The following CRISP1 variants were observed in gnomAD, a reference collection of about 807,000 sequenced individuals.
CRISP1 encodes the protein cysteine rich secretory protein 1.
In CRISP1, 44 loss-of-function variants were observed where a neutral mutation model predicts 33.1. The ratio of observed to expected loss-of-function variants is 1.33; its 90% CI spans 1.05 to 1.71. The LOEUF (loss-of-function observed/expected upper bound fraction) is 1.71. CRISP1 is among the 40% of genes most tolerant of loss of function. The pLI is 0.00. For missense variants in CRISP1, 390 were observed against 301.2 expected, an observed-to-expected ratio of 1.29 and a Z score of -2.18; for synonymous variants, 103 against 98.7, an observed-to-expected ratio of 1.04 and a Z score of -0.26.
chr6:49,848,156 TA>T, intron 4 of CRISP1, 52 bp downstream of exon 4: 1 of 1,008,314 alleles, frequency 9.9e-7, no homozygotes, highest in South Asian at 1.5e-5. Flanking sequence ...ATCCCTGTTT[TA>T]CTATTTTTTT....
At chr6:49,839,295 A>C (rs1770908019) in intron 6 of CRISP1, among the ~76,000 whole-genome samples, 1 of 149,968 alleles carries the variant, frequency 6.7e-6, no homozygotes, top group African/African-American at 2.5e-5. Context: ...AAAAAAAAAA[A>C]AAAAAATTAG....
Position 49,857,541 on chromosome 6 carries a change from G to GTGTT in CRISP1, c.-2-143_-2-140dup, listed in dbSNP as rs1233843827. ...CTTTAGGATCCGAACAAGGTTTAAT[G>GTGTT]TGTTAGTCATTGGGATCCAGATAGA... is the stretch of plus-strand genomic sequence containing the variant. On this transcript the variant is annotated intron_variant, in intron 1 of 7. Coordinates refer to ENST00000335847, the MANE Select transcript of CRISP1 (RefSeq NM_001131.3). 55 of 680,528 alleles carry GTGTT rather than the reference G, an allele frequency of 8.1e-5. 1 individual carries two copies. Among genetic ancestry groups the GTGTT allele is most frequent in the African/African-American group, 7.1e-4 (39 of 55,228 alleles). 42.2% of individuals were successfully genotyped at this position (680,528 alleles called of 1,614,324 possible).
chr6:49,867,375 G>A (rs1167700731), upstream of CRISP1, among the ~76,000 whole-genome samples: 1 of 151,858 alleles, frequency 6.6e-6, no homozygotes, highest in African/African-American at 2.4e-5. Flanking sequence ...ATAGCTTGCT[G>A]GCCTCTTTTT....
intron 1 of CRISP1, among the ~76,000 whole-genome samples, chr6:49,873,500 T>G (rs1209768263): frequency 6.6e-6 from 1 of 152,116 alleles, no homozygotes; most frequent in Non-Finnish European, 1.5e-5. Flanking sequence ...TGTGTCCTCA[T>G]GTTAGGCTAT....
intron 5 of CRISP1, among the ~76,000 whole-genome samples, chr6:49,842,228 G>T (rs1175497266): frequency 6.6e-6 from 1 of 152,144 alleles, no homozygotes; most frequent in East Asian, 1.9e-4. Context: ...TTTGTTTGCA[G>T]GTTCTTACTA....
intron 2 of CRISP1, among the ~76,000 whole-genome samples, chr6:49,854,708 C>T (rs951105181): frequency 3.9e-5 from 6 of 152,154 alleles, no homozygotes; most frequent in Non-Finnish European, 7.3e-5. Context: ...ATTTACCTCC[C>T]TCCATTTTTT....
chr6:49,856,547 C>A (rs1362303699), intron 2 of CRISP1, among the ~76,000 whole-genome samples: 5 of 152,102 alleles, frequency 3.3e-5, no homozygotes, highest in African/African-American at 7.2e-5. Flanking sequence ...AATACCAAAC[C>A]AACACCCTAA....
intron 6 of CRISP1, 33 bp downstream of exon 6, chr6:49,840,865 G>A (rs1349748882): frequency 6.6e-7 from 1 of 1,514,292 alleles, no homozygotes; most frequent in Non-Finnish European, 9.1e-7. Flanking sequence ...TTACTTTAGG[G>A]GGATATATAT....
intron 2 of CRISP1, among the ~76,000 whole-genome samples, chr6:49,853,893 CACAAA>C (rs1771422113): frequency 6.6e-6 from 1 of 152,140 alleles, no homozygotes; most frequent in African/African-American, 2.4e-5. Flanking sequence ...AAAAATGTCT[CACAAA>C]ACAAAACAAC....
chr6:49,841,039 C>A, intron 5 of CRISP1, 44 bp from the exon 6 acceptor site: 1 of 1,463,388 alleles, frequency 6.8e-7, no homozygotes, highest in East Asian at 2.4e-5. Flanking sequence ...AAATATTTTA[C>A]TAAATGACTA....
At chr6:49,847,290 G>C (rs866397181) in intron 4 of CRISP1, among the ~76,000 whole-genome samples, 1 of 152,148 alleles carries the variant, frequency 6.6e-6, no homozygotes, top group Non-Finnish European at 1.5e-5. Flanking sequence ...GATATAGTTT[G>C]GATGTCCCCT....
Position 49,857,324 on chromosome 6 carries a change from C to T in CRISP1, c.66+11G>A. 1 of 1,611,258 alleles carries T rather than the reference C, an allele frequency of 6.2e-7. No individual in the cohort carries two copies. The highest frequency in any genetic ancestry group is 8.5e-7 in the Non-Finnish European group (1 of 1,178,010). On this transcript the variant is annotated intron_variant, in intron 2 of 7. Coordinates refer to ENST00000335847, the MANE Select transcript of CRISP1 (RefSeq NM_001131.3). ...TAGAAAGTAATTATGAAACATCCAACCCTCACATACTTTCATGGACAACAT... is the reference window on the plus strand; with the variant it reads ...TAGAAAGTAATTATGAAACATCCAATCCTCACATACTTTCATGGACAACAT...
chr6:49,863,163 G>A (rs1771700437), intron 1 of CRISP1, among the ~76,000 whole-genome samples: 1 of 152,120 alleles, frequency 6.6e-6, no homozygotes, highest in African/African-American at 2.4e-5. Flanking sequence ...GAATTGTAGA[G>A]CATGGCTCAG....
rs796130983 is a variant in CRISP1 at position 49,846,760 on chromosome 6, A to T, written c.287-92T>A. On this transcript the variant is annotated intron_variant, in intron 4 of 7. Transcript: ENST00000335847. The stretch of plus-strand genomic sequence containing the variant: ...CTCATTTTTATTTTATGAATGGTTC[A>T]CTGATCATCTTGACAACATCTTCTG... 10 of 1,224,826 alleles carry T rather than the reference A, an allele frequency of 8.2e-6. No individual in the cohort carries two copies. The African/African-American group carries it at 1.4e-4, about 17-fold the overall frequency. 75.9% of individuals were successfully genotyped at this position (1,224,826 alleles called of 1,614,324 possible).
upstream of CRISP1, among the ~76,000 whole-genome samples, chr6:49,869,161 T>C (rs1771866828): frequency 6.6e-6 from 1 of 152,190 alleles, no homozygotes; most frequent in South Asian, 2.1e-4. Flanking sequence ...TGGTTTATGG[T>C]GCCTCATTGA....
At chr6:49,836,733 A>G (rs978788440) in intron 7 of CRISP1, among the ~76,000 whole-genome samples, 4 of 152,158 alleles carry the variant, frequency 2.6e-5, no homozygotes, top group African/African-American at 9.7e-5. Context: ...AAATTATTAA[A>G]CTGATTCACC....
chr6:49,853,246 C>T (rs57245652), intron 2 of CRISP1, among the ~76,000 whole-genome samples: 5,767 of 152,172 alleles, frequency 0.038, 371 homozygotes, highest in African/African-American at 0.13. Context: ...TTACAACTCT[C>T]CTTGCTCCTC....
chr6:49,841,077 A>C (rs1770972428), intron 5 of CRISP1, 82 bp from the exon 6 acceptor site: 1 of 1,245,316 alleles, frequency 8.0e-7, no homozygotes, highest in African/African-American at 1.5e-5. Context: ...TCCATGATTA[A>C]AAGTAAACAT....
At chr6:49,839,316 T>C (rs989650209) in intron 6 of CRISP1, among the ~76,000 whole-genome samples, 2 of 140,402 alleles carry the variant, frequency 1.4e-5, no homozygotes, top group Non-Finnish European at 1.5e-5. Flanking sequence ...TTAGGCCTGG[T>C]GGCGTATGCC....
Sources: gnomAD v4.1 joint callset for allele counts (sites outside exome capture counted in the v4.1 genomes callset) on GRCh38, gnomAD v4.1.1 for gene constraint, MANE v1.5 for transcripts, NCBI Gene and HGNC (gene_info 2026-07-23, HGNC 2026-07-21) for gene names.